The following CSMD1 variants were observed in gnomAD, a reference collection of about 807,000 sequenced individuals.
The protein encoded by CSMD1 is CUB and Sushi multiple domains 1, also known as CUB and sushi domain-containing protein 1.
In CSMD1, 213 loss-of-function variants were observed where a neutral mutation model predicts 417.5. The observed-to-expected ratio is 0.51, with a 90% confidence interval of 0.46 to 0.57. The LOEUF (loss-of-function observed/expected upper bound fraction) is 0.57. CSMD1 is among the 20% of genes least tolerant of loss of function. The pLI is 0.00. For missense variants in CSMD1, 6,923 were observed against 4,529.7 expected (o/e 1.53, Z -15.17); for synonymous variants, 2,862 against 1,736.8 (o/e 1.65, Z -16.11).
chr8:4,393,570 G>C (rs150493631), intron 3 of CSMD1, among the ~76,000 whole-genome samples: 4 of 152,220 alleles, frequency 2.6e-5, no homozygotes, highest in African/African-American at 9.6e-5. Context: ...GCAAGAGAAA[G>C]GCCTTCTGAC....
At chr8:3,979,824 G>A (rs193000507) in intron 5 of CSMD1, among the ~76,000 whole-genome samples, 55 of 152,284 alleles carry the variant, frequency 3.6e-4, no homozygotes, top group African/African-American at 1.3e-3. Flanking sequence ...AACCCATGAA[G>A]AAAATGTAGA....
intron 1 of CSMD1, among the ~76,000 whole-genome samples, chr8:4,929,814 C>T (rs1157327198): frequency 6.6e-6 from 1 of 152,178 alleles, no homozygotes; most frequent in Non-Finnish European, 1.5e-5. Flanking sequence ...TCCACAACCA[C>T]ATTCCCTCAC....
intron 8 of CSMD1, among the ~76,000 whole-genome samples, chr8:3,604,946 G>A (rs886844703): frequency 6.6e-6 from 1 of 152,018 alleles, no homozygotes; most frequent in Non-Finnish European, 1.5e-5. Flanking sequence ...ATGTGCCTTT[G>A]GTTTCCCTCA....
intron 23 of CSMD1, among the ~76,000 whole-genome samples, chr8:3,326,782 T>C (rs188897694): frequency 6.5e-4 from 99 of 152,334 alleles, no homozygotes; most frequent in African/African-American, 2.2e-3. Flanking sequence ...AATCATTCTA[T>C]TGAAGAATAT....
At chr8:3,346,963 T>G (rs1290790161) in intron 22 of CSMD1, among the ~76,000 whole-genome samples, 1 of 152,228 alleles carries the variant, frequency 6.6e-6, no homozygotes, top group Non-Finnish European at 1.5e-5. Context: ...AGCAGGTGAC[T>G]GGACGGATGA....
chr8:4,629,799 G>GAAGATATCTTTGTCTGCT (rs1204918622), intron 2 of CSMD1, among the ~76,000 whole-genome samples: 1 of 152,130 alleles, frequency 6.6e-6, no homozygotes, highest in Non-Finnish European at 1.5e-5. Flanking sequence ...ACCAAATCAA[G>GAAGATATCTTTGTCTGCT]AAGATATCTT....
At chr8:4,074,238 G>T (rs35054897) in intron 3 of CSMD1, among the ~76,000 whole-genome samples, 1 of 151,814 alleles carries the variant, frequency 6.6e-6, no homozygotes, top group East Asian at 1.9e-4. Context: ...TGTAACCCCA[G>T]AGAAAGCAAA....
At chr8:4,438,192 G>A (rs1386189078) in intron 2 of CSMD1, among the ~76,000 whole-genome samples, 3 of 152,094 alleles carry the variant, frequency 2.0e-5, no homozygotes, top group Non-Finnish European at 4.4e-5. Context: ...CATAAACATT[G>A]AGATCGATCT....
chr8:4,167,923 T>A, intron 3 of CSMD1, among the ~76,000 whole-genome samples: 1 of 150,824 alleles, frequency 6.6e-6, no homozygotes. Flanking sequence ...AGGTCAGGAG[T>A]TCAAGACCAG....
intron 36 of CSMD1, among the ~76,000 whole-genome samples, chr8:3,187,442 G>A (rs906977365): frequency 2.0e-5 from 3 of 152,116 alleles, no homozygotes; most frequent in Admixed American, 6.6e-5. Context: ...TTTCGTGCCT[G>A]GCTACATATG....
At chr8:3,536,494 T>A (rs547322782) in intron 10 of CSMD1, among the ~76,000 whole-genome samples, 1 of 152,348 alleles carries the variant, frequency 6.6e-6, no homozygotes, top group Non-Finnish European at 1.5e-5. Context: ...ATGGGGATTA[T>A]GTTTTTTCCT....
intron 2 of CSMD1, among the ~76,000 whole-genome samples, chr8:4,621,511 G>A (rs1309662404): frequency 1.3e-5 from 2 of 152,046 alleles, no homozygotes. Flanking sequence ...AGAAGAAAGA[G>A]ACAATCTATA....
Position 4,324,336 on chromosome 8 carries a change from G to C in CSMD1, c.415+95617C>G, listed in dbSNP as rs116648463. Among the ~76,000 whole-genome samples the C allele has an allele frequency of 8.1e-3, 1,230 of 152,266 alleles. 10 individuals carry two copies. Among genetic ancestry groups the C allele is most frequent in the African/African-American group, 0.027 (1,139 of 41,558 alleles). The stretch of plus-strand genomic sequence containing the variant: ...CAACCTCGAAAGAAATCAATACTCG[G>C]AAGGTCCTGTAGTAGCAGCCATTCC... On this transcript the variant is annotated intron_variant, in intron 3 of 69. Transcript: ENST00000635120.
At chr8:3,768,085 G>A (rs759268477) in intron 5 of CSMD1, among the ~76,000 whole-genome samples, 2 of 152,126 alleles carry the variant, frequency 1.3e-5, no homozygotes, top group African/African-American at 2.4e-5. Flanking sequence ...ATATGATTTA[G>A]AGTCATATAT....
intron 3 of CSMD1, among the ~76,000 whole-genome samples, chr8:4,171,540 A>G (rs766277274): frequency 6.6e-6 from 1 of 151,832 alleles, no homozygotes; most frequent in Non-Finnish European, 1.5e-5. Flanking sequence ...CACTTAACAA[A>G]TGTACAATAA....
At chr8:3,942,404 T>TGCTA (rs1585006418) in intron 5 of CSMD1, among the ~76,000 whole-genome samples, 3 of 152,254 alleles carry the variant, frequency 2.0e-5, no homozygotes, top group African/African-American at 7.2e-5. Flanking sequence ...AAAGTGACAC[T>TGCTA]GCTAAGGCAA....
chr8:2,988,273 TCTTTATGCTTATGTACA>T, intron 54 of CSMD1, among the ~76,000 whole-genome samples: 1 of 152,286 alleles, frequency 6.6e-6, no homozygotes, highest in Non-Finnish European at 1.5e-5. Context: ...TTCTTAATTT[TCTTTATGCTTATGTACA>T]TAAGCATATC....
At chr8:3,988,921 G>A (rs1814533151) in intron 5 of CSMD1, among the ~76,000 whole-genome samples, 1 of 152,152 alleles carries the variant, frequency 6.6e-6, no homozygotes, top group Non-Finnish European at 1.5e-5. Context: ...AAAGTTGAGT[G>A]GAGAAGTTAA....
rs529953802 is a variant in CSMD1 at position 4,679,326 on chromosome 8, C to T, written c.86-41768G>A. On this transcript the variant is annotated intron_variant, in intron 1 of 69. Transcript: ENST00000635120. Reference sequence around the variant, plus strand: ...TGAAGGGCGAAGTTGACACCTTCTGCCCATTTTTGATAAACAATGAAATAT... The same window carrying T: ...TGAAGGGCGAAGTTGACACCTTCTGTCCATTTTTGATAAACAATGAAATAT... Among the ~76,000 whole-genome samples the T allele has an allele frequency of 2.0e-4, 30 of 152,204 alleles. No homozygotes were observed. The East Asian group carries it at 4.6e-3, about 23-fold the overall frequency.
Sources: allele counts gnomAD v4.1 joint callset (sites outside exome capture counted in the v4.1 genomes callset), GRCh38; gene constraint gnomAD v4.1.1; transcripts MANE v1.5; gene names NCBI Gene and HGNC (gene_info 2026-07-23, HGNC 2026-07-21).